PDE1C: variants seen among roughly 807,000 people sequenced by gnomAD.
The protein encoded by PDE1C is dual specificity calcium/calmodulin-dependent 3',5'-cyclic nucleotide phosphodiesterase 1C.
Under a neutral mutation model 93.1 loss-of-function variants are expected in PDE1C, and 62 were observed. The observed-to-expected ratio is 0.67, with a 90% CI of 0.54 to 0.82. The LOEUF is 0.82. Among genes scored for constraint, PDE1C ranks in the 40% least tolerant of loss-of-function variants. The probability of loss-of-function intolerance (pLI) is 0.00; values close to 1 mark genes in which losing one functional copy is unlikely to be tolerated. For synonymous variants in PDE1C, 325 were observed against 310.1 expected (o/e 1.05, Z -0.50); for missense variants, 742 against 884.6 (o/e 0.84, Z 2.04).
intron 1 of PDE1C, chr7:32,298,543 C>T: frequency 7.3e-7 from 1 of 1,368,214 alleles, no homozygotes. Context: ...CCCTCCGGCC[C>T]CAGCCCGACC....
intron 3 of PDE1C, among the ~76,000 whole-genome samples, chr7:32,145,251 C>T (rs937965676): frequency 4.6e-5 from 7 of 152,108 alleles, no homozygotes; most frequent in African/African-American, 1.7e-4. Flanking sequence ...CTGAGCCAAA[C>T]CAATAAAGAC....
intron 3 of PDE1C, among the ~76,000 whole-genome samples, chr7:32,118,065 T>C (rs1799082785): frequency 6.6e-6 from 1 of 152,152 alleles, no homozygotes; most frequent in Non-Finnish European, 1.5e-5. Flanking sequence ...GTCTTTTCCC[T>C]AAGGGTTGGA....
chr7:32,425,856 G>T (rs998760020), intron 1 of PDE1C, among the ~76,000 whole-genome samples: 2 of 152,120 alleles, frequency 1.3e-5, no homozygotes, highest in African/African-American at 4.8e-5. Context: ...TGGGAGGATT[G>T]CTTGAGCCCA....
rs927012418 is a variant in PDE1C at position 32,129,387 on chromosome 7, T to C, written c.308+40398A>G. 1.1e-4 allele frequency among the ~76,000 whole-genome samples: 16 copies of C among 148,444 alleles called. 1 individual carries two copies. The highest frequency in any genetic ancestry group is 2.1e-4 in the South Asian group (1 of 4,760). The stretch of plus-strand genomic sequence containing the variant: ...TATTGCAATGATTATATCTGGGTAT[T>C]GGAATTACATTTTTTAAATTTTATT... On this transcript the variant is annotated intron_variant, in intron 3 of 18. Coordinates refer to the PDE1C transcript ENST00000396193.
At chr7:32,120,295 A>C (rs1377617669) in intron 3 of PDE1C, among the ~76,000 whole-genome samples, 2 of 152,186 alleles carry the variant, frequency 1.3e-5, no homozygotes, top group African/African-American at 4.8e-5. Context: ...AGACCGTCAT[A>C]CTTAGCCTTT....
At chr7:32,275,303 A>G (rs775832897) in intron 1 of PDE1C, among the ~76,000 whole-genome samples, 33 of 152,278 alleles carry the variant, frequency 2.2e-4, no homozygotes, top group Middle Eastern at 6.8e-3. Context: ...ATGAGGAAAA[A>G]AAAAAACTTC....
chr7:31,796,517 T>C (rs887144435), intron 16 of PDE1C, among the ~76,000 whole-genome samples: 1 of 151,786 alleles, frequency 6.6e-6, no homozygotes, highest in Non-Finnish European at 1.5e-5. Flanking sequence ...TGATTTGAAA[T>C]GGACGTTTAT....
chr7:32,062,988 C>T (rs188145673), intron 1 of PDE1C, among the ~76,000 whole-genome samples: 11 of 152,294 alleles, frequency 7.2e-5, no homozygotes, highest in Admixed American at 5.9e-4. Flanking sequence ...CTTTGTCTTA[C>T]GGTCATTAAG....
intron 3 of PDE1C, among the ~76,000 whole-genome samples, chr7:32,088,810 G>A (rs987552534): frequency 9.2e-5 from 14 of 152,188 alleles, no homozygotes; most frequent in Non-Finnish European, 8.8e-5. Flanking sequence ...AATAACCTAC[G>A]GGGATGACCA....
In PDE1C at chr7:31,848,076, T is replaced by C; in HGVS notation, c.872A>G (p.Tyr291Cys). Residue 291 changes from tyrosine to cysteine, a missense_variant, in exon 9 of 18, where the codon TAT becomes TGT. Coordinates refer to ENST00000396191, the MANE Select transcript of PDE1C (RefSeq NM_001191057.4). The part of the protein sequence containing the change: ...IQTRSDPAIL[Y>C]NDRSVLENHH... ...ATTCTCCAGTACAGATCTGTCATTA[T>C]ACAGAATAGCTGGATCAGACCTGAA... 1 of 1,612,974 alleles carries C rather than the reference T, an allele frequency of 6.2e-7. No homozygotes were observed. The highest frequency in any genetic ancestry group is 2.2e-5 in the East Asian group (1 of 44,806).
chr7:31,940,226 A>G (rs2128997468), intron 2 of PDE1C, among the ~76,000 whole-genome samples: 1 of 152,258 alleles, frequency 6.6e-6, no homozygotes, highest in East Asian at 1.9e-4. Flanking sequence ...TTGTGCCACA[A>G]TGTCTCCTTC....
At chr7:32,307,164 C>T (rs1813025954) in intron 1 of PDE1C, among the ~76,000 whole-genome samples, 1 of 152,168 alleles carries the variant, frequency 6.6e-6, no homozygotes, top group Non-Finnish European at 1.5e-5. Flanking sequence ...AGTGACCTAA[C>T]ACCACAATAA....
At chr7:31,792,293 T>C (rs1471053211) in intron 16 of PDE1C, among the ~76,000 whole-genome samples, 1 of 152,140 alleles carries the variant, frequency 6.6e-6, no homozygotes, top group Admixed American at 6.6e-5. Context: ...TCATTTATCG[T>C]TTATAACACT....
intron 1 of PDE1C, among the ~76,000 whole-genome samples, chr7:32,387,746 A>C (rs1351032527): frequency 8.0e-6 from 1 of 125,242 alleles, no homozygotes; most frequent in Non-Finnish European, 1.6e-5. Context: ...ACTTCCCAGT[A>C]GGGGCGGCCG....
At chr7:31,669,495 C>T in the PDE1C span, among the ~76,000 whole-genome samples, 2 of 152,264 alleles carry the variant, frequency 1.3e-5, no homozygotes, top group East Asian at 3.9e-4. Context: ...CTTCAAAAAG[C>T]ACTGTCAAGG....
intron 2 of PDE1C, among the ~76,000 whole-genome samples, chr7:31,974,768 A>G (rs1811427755): frequency 6.6e-6 from 1 of 152,232 alleles, no homozygotes; most frequent in African/African-American, 2.4e-5. Context: ...GCAAATGGAA[A>G]TCAGAGAACT....
rs190786628 is a variant in PDE1C, at chr7:31,850,457, T to C, written c.851+184A>G. ...ACAAAATAGGAGAATTAGGAGCAGA[T>C]GGCTTCTTAAACTCTAAGTCTTGAT... On this transcript the variant is annotated intron_variant, in intron 8 of 17. Coordinates refer to ENST00000396191, the MANE Select transcript of PDE1C (RefSeq NM_001191057.4). 5.0e-3 allele frequency among the ~76,000 whole-genome samples: 763 copies of C among 152,268 alleles called. 7 individuals are homozygous for C. The highest frequency in any genetic ancestry group is 0.022 in the Admixed American group (332 of 15,280).
intron 1 of PDE1C, among the ~76,000 whole-genome samples, chr7:32,213,444 A>C (rs1420140012): frequency 1.3e-5 from 2 of 152,182 alleles, no homozygotes; most frequent in Non-Finnish European, 2.9e-5. Flanking sequence ...AGAACCTCTT[A>C]AAGGGCTTAA....
chr7:31,835,099 C>A lies in PDE1C; in HGVS notation c.1203+2081G>T, dbSNP rs549917463. 5.3e-5 allele frequency among the ~76,000 whole-genome samples: 8 copies of A among 151,784 alleles called. No homozygotes were observed. The East Asian group carries it at 1.6e-3, about 30-fold the overall frequency. ...CTTTGCTGGCCACCGTGCAAGACATCTCTTTACTCTTCTGCCATGACTGTG... is the reference window on the plus strand; with the variant it reads ...CTTTGCTGGCCACCGTGCAAGACATATCTTTACTCTTCTGCCATGACTGTG... On this transcript the variant is annotated intron_variant, in intron 11 of 17. Coordinates refer to ENST00000396191, the MANE Select transcript of PDE1C (RefSeq NM_001191057.4).
Sources: allele counts gnomAD v4.1 joint callset (sites outside exome capture counted in the v4.1 genomes callset), GRCh38; gene constraint gnomAD v4.1.1; transcripts MANE v1.5; gene names NCBI Gene and HGNC (gene_info 2026-07-23, HGNC 2026-07-21).